The following CLEC17A variants were observed in gnomAD, a reference collection of about 807,000 sequenced individuals.
CLEC17A encodes the protein C-type lectin domain containing 17A.
Under a neutral mutation model 61.3 loss-of-function variants are expected in CLEC17A, and 37 were observed. The ratio of observed to expected loss-of-function variants is 0.60; its 90% confidence interval spans 0.46 to 0.79. The LOEUF (loss-of-function observed/expected upper bound fraction) is 0.79, where lower values mean the gene tolerates loss of function less well. CLEC17A is among the 30% of genes least tolerant of loss of function. The pLI is 0.00. For synonymous variants in CLEC17A, 168 were observed against 164.9 expected (o/e 1.02, Z -0.14); for missense variants, 418 against 464.7 (o/e 0.90, Z 0.92).
rs751779668 is a variant in CLEC17A, at chr19:14,596,935, T to A, written c.505T>A (p.Trp169Arg). Residue 169 changes from tryptophan to arginine, a missense_variant, in exon 9 of 14, where the codon TGG (tryptophan) becomes AGG (arginine). Trp to Arg is a moderately radical substitution (Grantham distance 101). Coordinates refer to ENST00000417570, the MANE Select transcript of CLEC17A (RefSeq NM_001204118.2). ...SGGPGCCQKR[W>R]MVYLCLLVVT... is the part of the protein sequence containing the mutation. ...AGGTCCTGGCTGCTGCCAGAAGAGG[T>A]GGATGGTGTACCTGTGTCTGCTGGT... 3.1e-6 allele frequency: 5 copies of A among 1,607,756 alleles called. No individual in the cohort carries two copies. The African/African-American group carries it at 5.4e-5, about 17-fold the overall frequency.
chr19:14,585,384 G>A (rs1241122533), intron 2 of CLEC17A, among the ~76,000 whole-genome samples: 1 of 152,262 alleles, frequency 6.6e-6, no homozygotes, highest in Non-Finnish European at 1.5e-5. Flanking sequence ...GACTCTCAGG[G>A]CCTGTAAGTT....
At chr19:14,583,671 G>C (rs1035664026) in intron 2 of CLEC17A, among the ~76,000 whole-genome samples, 5 of 152,118 alleles carry the variant, frequency 3.3e-5, no homozygotes, top group African/African-American at 1.2e-4. Context: ...CAAAATCCTT[G>C]GGGGACTGAG....
rs1318709201 is a variant in CLEC17A, at chr19:14,610,915, G to A, written c.*719G>A. Reference sequence around the variant, plus strand: ...GGGGTCAAGCAATCCTTCCGTGATGGCCTCCCAAAGTGCTGGGATTACAGG... The same window carrying A: ...GGGGTCAAGCAATCCTTCCGTGATGACCTCCCAAAGTGCTGGGATTACAGG... On this transcript the variant is annotated 3_prime_UTR_variant, in exon 14 of 14. Transcript: ENST00000417570. 1 of 151,988 alleles carries A rather than the reference G, an allele frequency of 6.6e-6. No homozygotes were observed. The allele number at this position is 151,988 out of a possible 1,614,324, so 9.4% of individuals were successfully genotyped here.
upstream of CLEC17A, among the ~76,000 whole-genome samples, chr19:14,581,439 G>A (rs984642199): frequency 1.3e-5 from 2 of 151,018 alleles, no homozygotes; most frequent in African/African-American, 2.4e-5. Context: ...TTCTTCTGCC[G>A]CAGCCACCCG....
At chr19:14,586,444 G>A (rs1269763313) in intron 2 of CLEC17A, among the ~76,000 whole-genome samples, 1 of 151,748 alleles carries the variant, frequency 6.6e-6, no homozygotes, top group Non-Finnish European at 1.5e-5. Context: ...TTTTTTAAGA[G>A]TGGGGTCTCC....
intron 8 of CLEC17A, 36 bp downstream of exon 8, chr19:14,595,351 A>G: frequency 3.1e-6 from 5 of 1,610,876 alleles, no homozygotes; most frequent in Non-Finnish European, 3.4e-6. Context: ...GACAGTGGCT[A>G]GTGTATCTGA....
At chr19:14,582,270 T>C (rs2074191193), upstream of CLEC17A, among the ~76,000 whole-genome samples, 1 of 151,128 alleles carries the variant, frequency 6.6e-6, no homozygotes, top group Non-Finnish European at 1.5e-5. Flanking sequence ...TGGAGTGCAG[T>C]GGTGCGATCT....
rs1306521705 is a variant in CLEC17A, at chr19:14,611,891, C to A, written c.*1695C>A. On this transcript the variant is annotated 3_prime_UTR_variant, in exon 14 of 14. Coordinates refer to ENST00000417570, the MANE Select transcript of CLEC17A (RefSeq NM_001204118.2). Reference sequence around the variant, plus strand: ...TGGTGGCATGTGCCTGTAATCCCAGCTACTCAGGAGACTAAGGCACGAGAA... The same window carrying A: ...TGGTGGCATGTGCCTGTAATCCCAGATACTCAGGAGACTAAGGCACGAGAA... Among the ~76,000 whole-genome samples, 1 of 152,128 alleles carries A rather than the reference C, an allele frequency of 6.6e-6. No individual in the cohort carries two copies. Among genetic ancestry groups the A allele is most frequent in the Non-Finnish European group, 1.5e-5 (1 of 68,028 alleles).
rs200595510 is a variant in CLEC17A, at chr19:14,589,800, C to A, written c.199+2109C>A. ...TAAATAGAATACTGTATAGTGGAGA[C>A]CATCCTTTGTGACTTGTGAGGCTAG... On this transcript the variant is annotated intron_variant, in intron 3 of 13. Transcript: ENST00000417570. Among the ~76,000 whole-genome samples, 11 of 150,370 alleles carry A rather than the reference C, an allele frequency of 7.3e-5. No homozygotes were observed. In the East Asian group the frequency reaches 2.1e-3, roughly 29 times the overall value.
intron 10 of CLEC17A, among the ~76,000 whole-genome samples, chr19:14,599,364 A>G (rs2074644661): frequency 6.6e-6 from 1 of 152,122 alleles, no homozygotes; most frequent in South Asian, 2.1e-4. Flanking sequence ...CTGGGATTAC[A>G]GGTGTGAGCC....
chr19:14,606,941 C>A (rs2074893646), intron 12 of CLEC17A, 52 bp from the exon 13 acceptor site: 2 of 999,946 alleles, frequency 2.0e-6, no homozygotes, highest in Non-Finnish European at 2.6e-6. Context: ...CAGGTCCTCA[C>A]CCTGAGGGTC....
rs2074503807 is a variant in CLEC17A at position 14,594,780 on chromosome 19, C to CAGTTGAG, written c.383_384insAGTTGAG (p.Cys129ValfsTer13). On this transcript the variant is annotated frameshift_variant, in exon 7 of 14. Coordinates refer to ENST00000417570, the MANE Select transcript of CLEC17A (RefSeq NM_001204118.2). LOFTEE classifies it high-confidence loss of function. ...CTAGGCCTGGACCTCGCCGCTGTCA[C>CAGTTGAG]CTGTCCACCTCCTCAACTGGGTGAG... The CAGTTGAG allele has an allele frequency of 6.2e-7, 1 of 1,613,766 alleles. No homozygotes were observed. The highest frequency in any genetic ancestry group is 1.3e-5 in the African/African-American group (1 of 74,928).
At chr19:14,581,416 C>T (rs1266870601), upstream of CLEC17A, among the ~76,000 whole-genome samples, 1 of 152,074 alleles carries the variant, frequency 6.6e-6, no homozygotes, top group Non-Finnish European at 1.5e-5. Flanking sequence ...CTCCGCCTCC[C>T]GGGTTCAAGC....
chr19:14,597,109 G>A lies in CLEC17A; in HGVS notation c.594G>A (p.Leu198=), dbSNP rs370973920. 32 of 1,613,096 alleles carry A rather than the reference G, an allele frequency of 2.0e-5. No homozygotes were observed. Among genetic ancestry groups the A allele is most frequent in the Non-Finnish European group, 2.5e-5 (29 of 1,179,610 alleles). Reference sequence around the variant, plus strand: ...GACTCTTCTTCATAGACCAGGAGTTGATGGAAGAACTGAGAATGTTAAGCT... The same window carrying A: ...GACTCTTCTTCATAGACCAGGAGTTAATGGAAGAACTGAGAATGTTAAGCT... The part of the protein sequence containing the change: ...LTVTLIKYQE[L]MEELRMLSFQ... The change falls in exon 10 of 14, where the codon TTG becomes TTA. Residue 198 remains leucine (L), a synonymous_variant. Coordinates refer to ENST00000417570, the MANE Select transcript of CLEC17A (RefSeq NM_001204118.2).
At chr19:14,609,746 G>C (rs1226518291) in intron 13 of CLEC17A, among the ~76,000 whole-genome samples, 1 of 152,024 alleles carries the variant, frequency 6.6e-6, no homozygotes, top group East Asian at 1.9e-4. Context: ...GCTGAGGCAG[G>C]AGAATTGCTT....
chr19:14,592,478 C>G, intron 4 of CLEC17A, 120 bp downstream of exon 4: 2 of 1,527,452 alleles, frequency 1.3e-6, no homozygotes, highest in Non-Finnish European at 1.8e-6. Flanking sequence ...ATGCCAGGCA[C>G]TGTGCAACAC....
chr19:14,597,118 A>G lies in CLEC17A; in HGVS notation c.603A>G (p.Glu201=), dbSNP rs367613657. The change falls in exon 10 of 14, where the codon GAA becomes GAG. Residue 201 remains glutamate (E), a synonymous_variant. Transcript: ENST00000417570. The part of the protein sequence containing the change: ...TLIKYQELME[E]LRMLSFQQMT... Reference sequence around the variant, plus strand: ...TCATAGACCAGGAGTTGATGGAAGAACTGAGAATGTTAAGCTTTCAGCAGA... The same window carrying G: ...TCATAGACCAGGAGTTGATGGAAGAGCTGAGAATGTTAAGCTTTCAGCAGA... 70 of 1,613,156 alleles carry G rather than the reference A, an allele frequency of 4.3e-5. No homozygotes were observed. The Middle Eastern group carries it at 8.2e-4, about 19-fold the overall frequency.
At chr19:14,594,155 C>T (rs886828480) in intron 4 of CLEC17A, among the ~76,000 whole-genome samples, 3 of 151,644 alleles carry the variant, frequency 2.0e-5, no homozygotes, top group South Asian at 2.1e-4. Flanking sequence ...TGGTAGCATA[C>T]GCCTGTAATC....
At chr19:14,594,457 C>T in intron 4 of CLEC17A, 60 bp from the exon 5 acceptor site, 5 of 1,546,700 alleles carry the variant, frequency 3.2e-6, no homozygotes, top group Non-Finnish European at 4.4e-6. Context: ...GTTTCCATCA[C>T]TTCCTCTTGG....
Sources: gnomAD v4.1 joint callset for allele counts (sites outside exome capture counted in the v4.1 genomes callset) on GRCh38, gnomAD v4.1.1 for gene constraint, MANE v1.5 for transcripts, NCBI Gene and HGNC (gene_info 2026-07-23, HGNC 2026-07-21) for gene names.